Variants in CDYL observed in about 807,000 individuals in gnomAD.
CDYL encodes chromodomain Y-like protein.
CDYL carries 8 observed loss-of-function variants against 47.3 expected under a neutral mutation model. The observed-to-expected ratio is 0.17, with a 90% CI of 0.10 to 0.31. CDYL has a LOEUF of 0.31. Among genes scored for constraint, CDYL ranks in the 10% least tolerant of loss-of-function variants. The pLI, the probability that CDYL is intolerant of heterozygous loss-of-function variation, is 1.00. For synonymous variants in CDYL, 266 were observed against 265.0 expected, an observed-to-expected ratio of 1.00 and a Z score of -0.04; for missense variants, 471 against 701.4, an observed-to-expected ratio of 0.67 and a Z score of 3.71.
intron 3 of CDYL, among the ~76,000 whole-genome samples, chr6:4,752,338 T>C (rs1173384398): frequency 6.6e-6 from 1 of 152,218 alleles, no homozygotes; most frequent in Non-Finnish European, 1.5e-5. Context: ...AAAGGTCTTT[T>C]ATAGCTCTTT....
chr6:4,789,175 A>T (rs898256841), intron 1 of CDYL, among the ~76,000 whole-genome samples: 1 of 152,162 alleles, frequency 6.6e-6, no homozygotes, highest in Non-Finnish European at 1.5e-5. Flanking sequence ...TCCTGGGCTC[A>T]GGTGATCTGC....
chr6:4,815,820 C>CAG (rs1759658702), intron 1 of CDYL, among the ~76,000 whole-genome samples: 1 of 151,032 alleles, frequency 6.6e-6, no homozygotes, highest in Non-Finnish European at 1.5e-5. Flanking sequence ...CCTGTTTTGG[C>CAG]TTTTAAAAAT....
At chr6:4,793,063 A>G (rs1016208395) in intron 1 of CDYL, among the ~76,000 whole-genome samples, 2 of 152,114 alleles carry the variant, frequency 1.3e-5, no homozygotes, top group Admixed American at 1.3e-4. Context: ...GGCTTTATGT[A>G]AGTCTTGGAA....
At chr6:4,768,220 A>AG (rs1205418203) in intron 3 of CDYL, among the ~76,000 whole-genome samples, 2 of 152,234 alleles carry the variant, frequency 1.3e-5, no homozygotes, top group East Asian at 3.8e-4. Flanking sequence ...TCGCTAGTTC[A>AG]GGGACAACCT....
chr6:4,845,453 A>T (rs1760628907), intron 1 of CDYL, among the ~76,000 whole-genome samples: 1 of 152,254 alleles, frequency 6.6e-6, no homozygotes, highest in South Asian at 2.1e-4. Flanking sequence ...GTTATTGTGT[A>T]TATGAAAACC....
At chr6:4,829,203 A>G (rs1479968204) in intron 1 of CDYL, among the ~76,000 whole-genome samples, 2 of 152,118 alleles carry the variant, frequency 1.3e-5, no homozygotes, top group African/African-American at 4.8e-5. Context: ...GTAATTCTGG[A>G]AATCAGATTT....
At chr6:4,747,566 G>A (rs1434944397) in intron 3 of CDYL, among the ~76,000 whole-genome samples, 1 of 152,162 alleles carries the variant, frequency 6.6e-6, no homozygotes, top group Non-Finnish European at 1.5e-5. Flanking sequence ...TTCGTGCACA[G>A]ATATAAATTG....
intron 3 of CDYL, among the ~76,000 whole-genome samples, chr6:4,760,911 C>A (rs1366447469): frequency 6.6e-6 from 1 of 151,876 alleles, no homozygotes; most frequent in Non-Finnish European, 1.5e-5. Flanking sequence ...CGCATCCCAA[C>A]CCCCGTAGAT....
chr6:4,840,187 A>G (rs1760446183), intron 1 of CDYL, among the ~76,000 whole-genome samples: 1 of 151,614 alleles, frequency 6.6e-6, no homozygotes, highest in Non-Finnish European at 1.5e-5. Context: ...AAAGGGGTTG[A>G]GTTCTTGATT....
intron 3 of CDYL, among the ~76,000 whole-genome samples, chr6:4,758,370 A>ATATATATATATATATATATC (rs140149693): frequency 1.5e-5 from 2 of 137,758 alleles, no homozygotes; most frequent in African/African-American, 5.7e-5. Flanking sequence ...ATATATATAT[A>ATATATATATATATATATATC]TCTCTTTGTG....
intron 2 of CDYL, among the ~76,000 whole-genome samples, chr6:4,722,580 A>G (rs1757392302): frequency 6.6e-6 from 1 of 152,224 alleles, no homozygotes; most frequent in South Asian, 2.1e-4. Context: ...AAACTGTTTT[A>G]AAGTCCACAG....
At chr6:4,854,424 A>G (rs1314131263) in intron 1 of CDYL, among the ~76,000 whole-genome samples, 1 of 152,152 alleles carries the variant, frequency 6.6e-6, no homozygotes, top group Non-Finnish European at 1.5e-5. Context: ...TCCCCAGCAC[A>G]AAGGACTGTG....
intron 1 of CDYL, among the ~76,000 whole-genome samples, chr6:4,712,025 A>C (rs1427256724): frequency 6.6e-6 from 1 of 152,202 alleles, no homozygotes; most frequent in Non-Finnish European, 1.5e-5. Context: ...TAACCACGCC[A>C]CTGCACTCCA....
At chr6:4,740,941 C>T (rs774248261) in intron 3 of CDYL, among the ~76,000 whole-genome samples, 16 of 152,130 alleles carry the variant, frequency 1.1e-4, no homozygotes, top group African/African-American at 1.9e-4. Context: ...CATGTGCCAC[C>T]GTGCCTGGCT....
intron 1 of CDYL, among the ~76,000 whole-genome samples, chr6:4,826,878 A>G (rs755470712): frequency 1.6e-4 from 24 of 152,206 alleles, no homozygotes; most frequent in Non-Finnish European, 2.9e-4. Context: ...TCTTCTAGAT[A>G]ATCTGTCCTG....
chr6:4,822,100 C>T (rs1318137320), intron 1 of CDYL, among the ~76,000 whole-genome samples: 1 of 152,088 alleles, frequency 6.6e-6, no homozygotes, highest in African/African-American at 2.4e-5. Context: ...TCCTGAGTAG[C>T]TAGGACTACA....
At chr6:4,821,406 G>A (rs926798998) in intron 1 of CDYL, among the ~76,000 whole-genome samples, 1 of 147,982 alleles carries the variant, frequency 6.8e-6, no homozygotes, top group African/African-American at 2.5e-5. Flanking sequence ...GCCACCCCAC[G>A]CCCAGTCGGT....
intron 2 of CDYL, among the ~76,000 whole-genome samples, chr6:4,918,303 ATTG>A (rs1182789524): frequency 9.2e-5 from 14 of 151,926 alleles, no homozygotes; most frequent in African/African-American, 2.7e-4. Flanking sequence ...GTCCTTTTTA[ATTG>A]TTGTTGTTAT....
At chr6:4,822,142 TTTTC>T (rs541095637) in intron 1 of CDYL, among the ~76,000 whole-genome samples, 22 of 150,636 alleles carry the variant, frequency 1.5e-4, no homozygotes, top group Admixed American at 1.4e-3. Flanking sequence ...CAAATTTTTC[TTTTC>T]TTTATTTTTT....
Sources: gnomAD v4.1 joint callset for allele counts (sites outside exome capture counted in the v4.1 genomes callset) on GRCh38, gnomAD v4.1.1 for gene constraint, MANE v1.5 for transcripts, NCBI Gene and HGNC (gene_info 2026-07-23, HGNC 2026-07-21) for gene names.